The following PTPRD variants were observed in gnomAD, a reference collection of about 807,000 sequenced individuals.
The protein encoded by PTPRD is receptor-type tyrosine-protein phosphatase delta.
Under a neutral mutation model 214.5 loss-of-function variants are expected in PTPRD, and 34 were observed. The ratio of observed to expected loss-of-function variants is 0.16; its 90% CI spans 0.12 to 0.21. The LOEUF (loss-of-function observed/expected upper bound fraction) is 0.21, where lower values mean the gene tolerates loss of function less well. Ranked by LOEUF, PTPRD falls within the 10% of genes least tolerant of loss-of-function variation. PTPRD has a pLI of 1.00. For missense variants in PTPRD, 2,545 were observed against 2,398.7 expected, an observed-to-expected ratio of 1.06 and a Z score of -1.27; for synonymous variants, 1,128 against 845.7, an observed-to-expected ratio of 1.33 and a Z score of -5.79.
intron 37 of PTPRD, among the ~76,000 whole-genome samples, chr9:8,388,982 C>CTTTT (rs34248103): frequency 7.7e-6 from 1 of 130,054 alleles, no homozygotes; most frequent in Non-Finnish European, 1.6e-5. Flanking sequence ...GTGAATATTC[C>CTTTT]TTTTTTTTTT....
At chr9:8,973,178 A>G (rs1265599501) in intron 11 of PTPRD, among the ~76,000 whole-genome samples, 2 of 151,882 alleles carry the variant, frequency 1.3e-5, no homozygotes, top group African/African-American at 4.8e-5. Context: ...TGTGAGCATA[A>G]TACTCAATAG....
intron 2 of PTPRD, among the ~76,000 whole-genome samples, chr9:10,579,713 T>G (rs188532710): frequency 6.6e-6 from 1 of 152,196 alleles, no homozygotes; most frequent in Non-Finnish European, 1.5e-5. Flanking sequence ...GCTAAACTAA[T>G]TTACATTTTC....
chr9:9,390,997 A>G (rs1052860579), intron 9 of PTPRD, among the ~76,000 whole-genome samples: 4 of 152,208 alleles, frequency 2.6e-5, no homozygotes, highest in African/African-American at 9.6e-5. Flanking sequence ...TTGATAAGAT[A>G]GTTTTTATTG....
rs766290397 is a variant in PTPRD, at chr9:8,500,750, A to G, written c.2128+4T>C. The G allele has an allele frequency of 2.9e-5, 47 of 1,613,872 alleles. No homozygotes were observed. In the African/African-American group the frequency reaches 5.9e-4, roughly 20 times the overall value. On this transcript the variant is annotated splice_donor_region_variant and intron_variant, in intron 24 of 45. Coordinates refer to ENST00000381196, the MANE Select transcript of PTPRD (RefSeq NM_002839.4). ...TGCAAACTGACGTAGCGGAGGCAAC[A>G]TACCATCTTCATTGGTTCGAATCAA... is the stretch of plus-strand genomic sequence containing the variant.
At chr9:9,015,548 G>A (rs527998212) in intron 11 of PTPRD, among the ~76,000 whole-genome samples, 25 of 152,084 alleles carry the variant, frequency 1.6e-4, no homozygotes, top group Non-Finnish European at 3.4e-4. Flanking sequence ...GCTGCCTTCA[G>A]GGCTGCTCTG....
intron 8 of PTPRD, among the ~76,000 whole-genome samples, chr9:9,431,249 G>C (rs1767498207): frequency 6.6e-6 from 1 of 152,156 alleles, no homozygotes; most frequent in Non-Finnish European, 1.5e-5. Context: ...CGAAGGATAT[G>C]AACAAACACT....
At position 8,471,058 on chromosome 9, in the gene PTPRD, C is replaced by T. The variant is rs772727662; in HGVS notation, c.3441G>A (p.Leu1147=). 6.2e-7 allele frequency: 1 copy of T among 1,613,414 alleles called. No individual in the cohort carries two copies. The highest frequency in any genetic ancestry group is 1.7e-5 in the Admixed American group (1 of 59,978). The part of the protein sequence containing the change: ...IKGYYIIIVP[L]KKSRGKFIKP... ...TGATAAATTTCCCGCGAGATTTCTT[C>T]AAAGGCACAATTATTATGTAGTAAC... Residue 1147 remains leucine (L), a synonymous_variant, in exon 31 of 46, where the codon TTG becomes TTA. Transcript: ENST00000381196.
At chr9:9,868,881 A>T (rs2064709703) in intron 5 of PTPRD, among the ~76,000 whole-genome samples, 1 of 152,146 alleles carries the variant, frequency 6.6e-6, no homozygotes, top group African/African-American at 2.4e-5. Flanking sequence ...TAAGAGAAAA[A>T]GTCTGAAATC....
In PTPRD at chr9:9,793,726, A is replaced by G. The variant is rs180997149; in HGVS notation, c.-367-26875T>C. Among the ~76,000 whole-genome samples, 856 of 152,226 alleles carry G rather than the reference A, an allele frequency of 5.6e-3. 10 individuals are homozygous for G. Among genetic ancestry groups the G allele is most frequent in the African/African-American group, 0.02 (814 of 41,562 alleles). Reference sequence around the variant, plus strand: ...TTTTAGAAAAAAAAATGTAATGGTAAAAAGTATCTTATTTGTTCTTCCTTC... The same window carrying G: ...TTTTAGAAAAAAAAATGTAATGGTAGAAAGTATCTTATTTGTTCTTCCTTC... On this transcript the variant is annotated intron_variant, in intron 5 of 45. Coordinates refer to ENST00000381196, the MANE Select transcript of PTPRD (RefSeq NM_002839.4).
At chr9:9,141,361 A>C (rs2099860180) in intron 10 of PTPRD, among the ~76,000 whole-genome samples, 1 of 151,788 alleles carries the variant, frequency 6.6e-6, no homozygotes, top group African/African-American at 2.4e-5. Flanking sequence ...GTAATTAAGA[A>C]AGGTTTCTTG....
chr9:10,327,357 C>T (rs1414466253), intron 3 of PTPRD, among the ~76,000 whole-genome samples: 1 of 151,276 alleles, frequency 6.6e-6, no homozygotes, highest in Non-Finnish European at 1.5e-5. Flanking sequence ...ATTTGTTGGG[C>T]TAACATAAGT....
intron 3 of PTPRD, among the ~76,000 whole-genome samples, chr9:10,226,420 T>C (rs900619098): frequency 6.6e-6 from 1 of 151,670 alleles, no homozygotes; most frequent in Non-Finnish European, 1.5e-5. Flanking sequence ...CACAGAAAGG[T>C]ACAGAGAAAA....
intron 3 of PTPRD, among the ~76,000 whole-genome samples, chr9:10,112,280 G>A (rs2098697664): frequency 6.6e-6 from 1 of 152,134 alleles, no homozygotes; most frequent in Non-Finnish European, 1.5e-5. Flanking sequence ...GCATGTGGTT[G>A]GCATAGCAGC....
At chr9:10,272,241 A>G (rs1449811043) in intron 3 of PTPRD, among the ~76,000 whole-genome samples, 1 of 152,210 alleles carries the variant, frequency 6.6e-6, no homozygotes, top group Non-Finnish European at 1.5e-5. Flanking sequence ...TTCGCTTAAC[A>G]TAATGTTTTC....
At chr9:9,778,164 C>T (rs1565189156) in intron 5 of PTPRD, among the ~76,000 whole-genome samples, 1 of 152,134 alleles carries the variant, frequency 6.6e-6, no homozygotes, top group Non-Finnish European at 1.5e-5. Context: ...GGAGAGGTGA[C>T]ATTGAAGGCA....
chr9:10,605,095 C>A (rs981068373), intron 2 of PTPRD, among the ~76,000 whole-genome samples: 2 of 151,810 alleles, frequency 1.3e-5, no homozygotes, highest in African/African-American at 4.8e-5. Context: ...CACTACATTT[C>A]TAAACATTTA....
chr9:9,675,555 G>A (rs2096913045), intron 7 of PTPRD, among the ~76,000 whole-genome samples: 1 of 151,694 alleles, frequency 6.6e-6, no homozygotes, highest in African/African-American at 2.4e-5. Flanking sequence ...TTATAGGACA[G>A]TCATATACAT....
chr9:8,820,849 G>A (rs1288065001), intron 11 of PTPRD, among the ~76,000 whole-genome samples: 1 of 148,456 alleles, frequency 6.7e-6, no homozygotes, highest in East Asian at 2.0e-4. Context: ...ATTGCTTAAT[G>A]GTGAAAGTTC....
At chr9:8,573,703 A>G (rs373376030) in intron 14 of PTPRD, among the ~76,000 whole-genome samples, 8 of 151,972 alleles carry the variant, frequency 5.3e-5, no homozygotes, top group South Asian at 4.1e-4. Context: ...TTTATCCAAA[A>G]AAGTTGCATA....
Sources: allele counts gnomAD v4.1 joint callset (sites outside exome capture counted in the v4.1 genomes callset), GRCh38; gene constraint gnomAD v4.1.1; transcripts MANE v1.5; gene names NCBI Gene and HGNC (gene_info 2026-07-23, HGNC 2026-07-21).